The following METTL8 variants were observed in gnomAD, a reference collection of about 807,000 sequenced individuals.
The protein encoded by METTL8 is tRNA N(3)-cytidine methyltransferase METTL8, mitochondrial.
METTL8 carries 32 observed loss-of-function variants against 48.7 expected under a neutral mutation model. The observed-to-expected ratio is 0.66, with a 90% confidence interval of 0.50 to 0.88. The LOEUF (loss-of-function observed/expected upper bound fraction) is 0.88. METTL8 is among the 40% of genes least tolerant of loss of function. The pLI, the probability that METTL8 is intolerant of heterozygous loss-of-function variation, is 0.00. For missense variants in METTL8, 464 were observed against 474.4 expected (o/e 0.98, Z 0.20); for synonymous variants, 136 against 157.1 (o/e 0.87, Z 1.01).
intron 3 of METTL8, among the ~76,000 whole-genome samples, chr2:171,341,834 TACAC>T (rs56145145): frequency 0.031 from 4,493 of 147,124 alleles, 60 homozygotes; most frequent in Non-Finnish European, 0.035. Context: ...AATATTCATG[TACAC>T]ACACACACAC....
intron 1 of METTL8, among the ~76,000 whole-genome samples, chr2:171,420,664 C>T (rs1197180853): frequency 7.2e-5 from 11 of 152,062 alleles, no homozygotes; most frequent in Admixed American, 7.2e-4. Flanking sequence ...TAGCAACCAC[C>T]CAAAGCCTAC....
At chr2:171,332,304 AG>A (rs1236605894) in intron 5 of METTL8, 1 of 157,854 alleles carries the variant, frequency 6.3e-6, no homozygotes, top group Non-Finnish European at 1.4e-5. Flanking sequence ...TTTTTGAGAC[AG>A]GGTCTCGCTC....
intron 1 of METTL8, among the ~76,000 whole-genome samples, chr2:171,411,473 A>G (rs1031276585): frequency 6.9e-4 from 105 of 152,246 alleles, no homozygotes; most frequent in African/African-American, 2.5e-3. Flanking sequence ...CAGGAGATAC[A>G]GTCAAAGCAA....
intron 3 of METTL8, among the ~76,000 whole-genome samples, chr2:171,358,354 A>G (rs1178122053): frequency 1.4e-5 from 2 of 139,698 alleles, no homozygotes; most frequent in African/African-American, 2.7e-5. Context: ...CCGTCTCCAG[A>G]AAAAAAAAAA....
intron 1 of METTL8, among the ~76,000 whole-genome samples, chr2:171,400,259 C>T (rs553047629): frequency 2.0e-5 from 3 of 152,258 alleles, no homozygotes; most frequent in South Asian, 2.1e-4. Context: ...AAAGAATCCA[C>T]ATTCTACCTT....
At chr2:171,417,286 C>T (rs1461048116) in intron 1 of METTL8, among the ~76,000 whole-genome samples, 4 of 152,106 alleles carry the variant, frequency 2.6e-5, no homozygotes, top group Admixed American at 6.5e-5. Flanking sequence ...CCCATGAAAA[C>T]AAAGTATTAT....
At chr2:171,378,820 C>T (rs1687231327) in intron 2 of METTL8, among the ~76,000 whole-genome samples, 1 of 152,074 alleles carries the variant, frequency 6.6e-6, no homozygotes, top group African/African-American at 2.4e-5. Flanking sequence ...GAGACTTTAA[C>T]ACCCCACTGT....
chr2:171,425,937 T>A (rs1011902025), intron 1 of METTL8, among the ~76,000 whole-genome samples: 1 of 152,118 alleles, frequency 6.6e-6, no homozygotes, highest in African/African-American at 2.4e-5. Flanking sequence ...GGCAGGCAGA[T>A]CATGAAGTCA....
At chr2:171,405,731 G>A (rs1038643670) in intron 1 of METTL8, among the ~76,000 whole-genome samples, 1 of 152,094 alleles carries the variant, frequency 6.6e-6, no homozygotes, top group African/African-American at 2.4e-5. Context: ...AGAATAAGTA[G>A]GCCAAAGAAA....
chr2:171,406,866 T>C (rs1037680128), intron 1 of METTL8, among the ~76,000 whole-genome samples: 23 of 144,618 alleles, frequency 1.6e-4, no homozygotes, highest in African/African-American at 5.9e-4. Flanking sequence ...TAAATTCCTC[T>C]TTTTTTTTTT....
At chr2:171,331,750 G>T in intron 6 of METTL8, 54 bp downstream of exon 6, 2 of 1,359,504 alleles carry the variant, frequency 1.5e-6, no homozygotes, top group Non-Finnish European at 2.1e-6. Flanking sequence ...AACTTTTATT[G>T]TTCTGGGGTA....
intron 1 of METTL8, among the ~76,000 whole-genome samples, chr2:171,396,880 G>GTTTTTTTTT: frequency 6.7e-6 from 1 of 150,112 alleles, no homozygotes; most frequent in Non-Finnish European, 1.5e-5. Context: ...TTGAGACAAG[G>GTTTTTTTTT]TCTTGTTCTA....
intron 2 of METTL8, among the ~76,000 whole-genome samples, chr2:171,371,504 G>A (rs1036702886): frequency 4.0e-5 from 6 of 150,632 alleles, no homozygotes; most frequent in Non-Finnish European, 7.4e-5. Context: ...TTACAGGCAC[G>A]TGCCAACACA....
chr2:171,338,617 G>C (rs538933333), intron 4 of METTL8, among the ~76,000 whole-genome samples: 1 of 147,086 alleles, frequency 6.8e-6, no homozygotes, highest in African/African-American at 2.5e-5. Flanking sequence ...TCTAGCCCGG[G>C]CAACAAGAAC....
chr2:171,401,369 A>C (rs1444529761), intron 1 of METTL8, among the ~76,000 whole-genome samples: 2 of 152,128 alleles, frequency 1.3e-5, no homozygotes, highest in Admixed American at 1.3e-4. Flanking sequence ...TCTTGTTTTA[A>C]TCTTTCTTTG....
At chr2:171,369,088 G>C (rs1029016945) in intron 2 of METTL8, among the ~76,000 whole-genome samples, 1 of 152,030 alleles carries the variant, frequency 6.6e-6, no homozygotes, top group Non-Finnish European at 1.5e-5. Flanking sequence ...GGCGGATCAC[G>C]AGGTCAGGAG....
rs1056283848 is a variant in METTL8 at position 171,322,993 on chromosome 2, A to C, written c.*1179T>G. The C allele has an allele frequency of 6.6e-6, 1 of 152,078 alleles. No homozygotes were observed. The highest frequency in any genetic ancestry group is 1.5e-5 in the Non-Finnish European group (1 of 68,030). The allele number at this position is 152,078 out of a possible 1,614,324, so 9.4% of individuals were successfully genotyped here. On this transcript the variant is annotated 3_prime_UTR_variant, in exon 10 of 10. Transcript: ENST00000375258. ...ACAGCCAGAGGACACTCTCATTGCC[A>C]TCTTGGTTTTGGTGGCATTTGGCCG... is the stretch of plus-strand genomic sequence containing the variant.
intron 1 of METTL8, among the ~76,000 whole-genome samples, chr2:171,423,350 T>G (rs1559218612): frequency 6.6e-6 from 1 of 152,156 alleles, no homozygotes; most frequent in Non-Finnish European, 1.5e-5. Context: ...GAAGCAACTT[T>G]GGAACTGGGT....
At chr2:171,430,537 AAAAT>A (rs746066381) in intron 1 of METTL8, among the ~76,000 whole-genome samples, 3 of 152,158 alleles carry the variant, frequency 2.0e-5, no homozygotes, top group Non-Finnish European at 4.4e-5. Context: ...CAGTATAATA[AAAAT>A]AAATAAATAA....
Sources: allele counts gnomAD v4.1 joint callset (sites outside exome capture counted in the v4.1 genomes callset), GRCh38; gene constraint gnomAD v4.1.1; transcripts MANE v1.5; gene names NCBI Gene and HGNC (gene_info 2026-07-23, HGNC 2026-07-21).